VPS13C: variants seen among roughly 807,000 people sequenced by gnomAD.
VPS13C encodes vacuolar protein sorting 13 homolog C.
In VPS13C, 358 loss-of-function variants were observed where a neutral mutation model predicts 456.8. The ratio of observed to expected loss-of-function variants is 0.78; its 90% CI spans 0.72 to 0.86. VPS13C has a LOEUF of 0.86. VPS13C is among the 40% of genes least tolerant of loss of function. The probability of loss-of-function intolerance (pLI) is 0.00; values close to 1 mark genes in which losing one functional copy is unlikely to be tolerated. For synonymous variants in VPS13C, 1,578 were observed against 1,486.7 expected, an observed-to-expected ratio of 1.06 and a Z score of -1.41; for missense variants, 4,818 against 4,385.4, an observed-to-expected ratio of 1.10 and a Z score of -2.79.
chr15:61,969,523 C>A (rs930535922), intron 27 of VPS13C, 71 bp from the exon 28 acceptor site: 2 of 1,103,726 alleles, frequency 1.8e-6, no homozygotes, highest in South Asian at 2.2e-5. Context: ...AAAACAAAAT[C>A]TTTCTCCATA....
intron 20 of VPS13C, among the ~76,000 whole-genome samples, chr15:61,983,465 T>C (rs1282598074): frequency 6.6e-6 from 1 of 152,160 alleles, no homozygotes; most frequent in Non-Finnish European, 1.5e-5. Context: ...TTGAATTTGT[T>C]CCAAACATTG....
chr15:62,005,614 G>A (rs889009183), intron 15 of VPS13C, among the ~76,000 whole-genome samples: 3 of 149,552 alleles, frequency 2.0e-5, no homozygotes, highest in Non-Finnish European at 3.0e-5. Flanking sequence ...TCCTAGTCTC[G>A]ATGGTCTTTA....
intron 1 of VPS13C, 30 bp downstream of exon 1, chr15:62,060,245 G>T: frequency 7.1e-7 from 1 of 1,418,424 alleles, no homozygotes; most frequent in Non-Finnish European, 9.8e-7. Flanking sequence ...CTCAGCGCCC[G>T]CAGCCCACTG....
intron 24 of VPS13C, among the ~76,000 whole-genome samples, chr15:61,975,239 C>A (rs960810176): frequency 6.6e-6 from 1 of 151,264 alleles, no homozygotes; most frequent in Admixed American, 6.6e-5. Flanking sequence ...GAAAAGCAAA[C>A]GAAATCCAAA....
chr15:61,970,046 A>C (rs745654133), intron 27 of VPS13C, among the ~76,000 whole-genome samples: 7 of 152,170 alleles, frequency 4.6e-5, no homozygotes, highest in Non-Finnish European at 1.0e-4. Flanking sequence ...GTGTCATAAA[A>C]GACCACGAAA....
Position 61,858,391 on chromosome 15 carries a change from A to C in VPS13C, c.10953-1982T>G, listed in dbSNP as rs1486581840. Among the ~76,000 whole-genome samples, 1 of 151,536 alleles carries C rather than the reference A, an allele frequency of 6.6e-6. No individual in the cohort carries two copies. The highest frequency in any genetic ancestry group is 1.5e-5 in the Non-Finnish European group (1 of 67,932). ...CTATCTATCTCCCTCCCTCCCTATC[A>C]TGTATTCCTTTCTCCTCTACATCCA... On this transcript the variant is annotated intron_variant, in intron 82 of 84. Transcript: ENST00000644861. The surrounding 1 kb of genome is among the most constrained non-coding windows in gnomAD (Gnocchi z 4.4).
chr15:62,017,954 T>C (rs553415908), intron 9 of VPS13C, among the ~76,000 whole-genome samples: 6,323 of 152,138 alleles, frequency 0.042, 194 homozygotes, highest in South Asian at 0.1. Context: ...TGTCCTCTTT[T>C]ATTTCATTGA....
At chr15:61,925,597 A>C in intron 52 of VPS13C, 49 bp from the exon 53 acceptor site, 1 of 1,257,472 alleles carries the variant, frequency 8.0e-7, no homozygotes. Context: ...CATTATATAC[A>C]TAACACACAC....
At chr15:61,927,546 A>C (rs1379313732) in intron 51 of VPS13C, among the ~76,000 whole-genome samples, 1 of 152,184 alleles carries the variant, frequency 6.6e-6, no homozygotes, top group Non-Finnish European at 1.5e-5. Flanking sequence ...TACCATTACC[A>C]CTTTGACCTA....
chr15:62,051,086 G>GT (rs1171818260), intron 1 of VPS13C, among the ~76,000 whole-genome samples: 1 of 152,090 alleles, frequency 6.6e-6, no homozygotes, highest in Non-Finnish European at 1.5e-5. Flanking sequence ...CAAAATAAAT[G>GT]TAAGAAATAT....
intron 49 of VPS13C, among the ~76,000 whole-genome samples, chr15:61,932,393 A>G (rs973644174): frequency 6.6e-6 from 1 of 152,178 alleles, no homozygotes; most frequent in Admixed American, 6.5e-5. Flanking sequence ...AAAAACTAGA[A>G]AGAAATACAG....
chr15:61,862,738 C>G (rs948275123), intron 82 of VPS13C, among the ~76,000 whole-genome samples: 3 of 152,072 alleles, frequency 2.0e-5, no homozygotes, highest in Admixed American at 6.5e-5. Context: ...GACTGGTTAA[C>G]CTCTCTTATC....
At chr15:62,058,753 TATTAAAA>T (rs2048887058) in intron 1 of VPS13C, among the ~76,000 whole-genome samples, 1 of 152,170 alleles carries the variant, frequency 6.6e-6, no homozygotes, top group Non-Finnish European at 1.5e-5. Flanking sequence ...ATCAGCCACC[TATTAAAA>T]ACAGGCTCTT....
chr15:61,914,689 T>C (rs1180932503), intron 61 of VPS13C, among the ~76,000 whole-genome samples: 1 of 150,738 alleles, frequency 6.6e-6, no homozygotes, highest in African/African-American at 2.4e-5. Context: ...GCCACCCGAG[T>C]AGCTGAGATT....
intron 35 of VPS13C, among the ~76,000 whole-genome samples, chr15:61,960,724 C>G (rs1050607022): frequency 6.6e-6 from 1 of 152,116 alleles, no homozygotes; most frequent in Non-Finnish European, 1.5e-5. Context: ...ATTCACAGTA[C>G]TATTTTTTTC....
chr15:61,982,506 G>C lies in VPS13C; in HGVS notation c.1982C>G (p.Ser661Ter). ...TTCTTCCAGCTTCATCAATGTTGCT[G>C]ATGTTATTTGCTCAAGATCCAATCC... ...NKGLDLEQIT[S>*]ATLMKLEEIK... The change falls in exon 21 of 85, where the codon TCA (serine) becomes TGA (stop). Residue 661 changes from serine (S) to a stop codon, truncating the protein, a stop_gained. Transcript: ENST00000644861. LOFTEE classifies it high-confidence loss of function. 2 of 1,609,712 alleles carry C rather than the reference G, an allele frequency of 1.2e-6. No individual in the cohort carries two copies. The highest frequency in any genetic ancestry group is 1.7e-6 in the Non-Finnish European group (2 of 1,178,586).
rs1334214810 is a variant in VPS13C at position 61,890,317 on chromosome 15, A to G, written c.9189T>C (p.Leu3063=). The change falls in exon 67 of 85, where the codon CTT becomes CTC. Residue 3063 remains leucine (L), a synonymous_variant. Coordinates refer to ENST00000644861, the MANE Select transcript of VPS13C (RefSeq NM_020821.3). The part of the protein sequence containing the change: ...SFLDGRQRVL[L]FTDDVALVSK... ...AAACCAAGGCAACATCATCGGTGAA[A>G]AGCAAAACTCTCTGGCGCCCATCCA... 2.5e-6 allele frequency: 4 copies of G among 1,613,944 alleles called. No individual in the cohort carries two copies. Among genetic ancestry groups the G allele is most frequent in the Non-Finnish European group, 3.4e-6 (4 of 1,180,024 alleles).
At chr15:61,937,188 C>G (rs1054965880) in intron 47 of VPS13C, among the ~76,000 whole-genome samples, 1 of 152,176 alleles carries the variant, frequency 6.6e-6, no homozygotes, top group African/African-American at 2.4e-5. Flanking sequence ...AAGATGCTCT[C>G]CTGCTACGTA....
Position 61,907,267 on chromosome 15 carries a change from T to C in VPS13C, c.9102A>G (p.Leu3034=). 6.2e-7 allele frequency: 1 copy of C among 1,613,794 alleles called. No individual in the cohort carries two copies. The highest frequency in any genetic ancestry group is 8.5e-7 in the Non-Finnish European group (1 of 1,179,700). ...YAANVGEHDL[L]KDGCGQFPYD... ...ACTCATTCACATCAAAAGATACCTT[T>C]AACAGATCATGTTCCCCAACATTTG... is the stretch of plus-strand genomic sequence containing the variant. Residue 3034 remains leucine (L), a synonymous_variant, in exon 66 of 85, where the codon TTA becomes TTG. Transcript: ENST00000644861.
Sources: allele counts gnomAD v4.1 joint callset (sites outside exome capture counted in the v4.1 genomes callset), GRCh38; gene constraint gnomAD v4.1.1; non-coding constraint Gnocchi (gnomAD v3.1); transcripts MANE v1.5; gene names NCBI Gene and HGNC (gene_info 2026-07-23, HGNC 2026-07-21).